GALNT17: variants seen among roughly 807,000 people sequenced by gnomAD.
The protein encoded by GALNT17 is UDP-GalNAc:polypeptide N-acetylgalactosaminyltransferase-like 3.
GALNT17 carries 29 observed loss-of-function variants against 63.7 expected under a neutral mutation model. The observed-to-expected ratio is 0.46, with a 90% CI of 0.34 to 0.62. The LOEUF (loss-of-function observed/expected upper bound fraction) is 0.62. Among genes scored for constraint, GALNT17 ranks in the 20% least tolerant of loss-of-function variants. The pLI is 0.01. For missense variants in GALNT17, 603 were observed against 799.6 expected, an observed-to-expected ratio of 0.75 and a Z score of 2.97; for synonymous variants, 305 against 318.3, an observed-to-expected ratio of 0.96 and a Z score of 0.45.
At chr7:71,299,199 C>T (rs1791145395) in intron 1 of GALNT17, among the ~76,000 whole-genome samples, 1 of 152,118 alleles carries the variant, frequency 6.6e-6, no homozygotes, top group Non-Finnish European at 1.5e-5. Flanking sequence ...AGCTGGTGGC[C>T]CGCCTTGACC....
chr7:71,548,089 A>T (rs112925863), intron 5 of GALNT17, among the ~76,000 whole-genome samples: 3,791 of 151,540 alleles, frequency 0.025, 136 homozygotes, highest in African/African-American at 0.075. Context: ...TTTTTTTTTT[A>T]AAAATTAGCT....
At chr7:71,604,808 GT>G (rs1408967097) in intron 6 of GALNT17, among the ~76,000 whole-genome samples, 3 of 152,132 alleles carry the variant, frequency 2.0e-5, no homozygotes, top group Non-Finnish European at 4.4e-5. Flanking sequence ...CTTCTACAGG[GT>G]AAATGTACCA....
intron 5 of GALNT17, among the ~76,000 whole-genome samples, chr7:71,477,654 A>G (rs1462299314): frequency 6.6e-6 from 1 of 152,128 alleles, no homozygotes; most frequent in Non-Finnish European, 1.5e-5. Context: ...GCATCACTGC[A>G]CTCCGGCCTG....
chr7:71,541,239 T>C (rs1171080844), intron 5 of GALNT17, among the ~76,000 whole-genome samples: 1 of 51,614 alleles, frequency 1.9e-5, no homozygotes, highest in African/African-American at 7.5e-5. Context: ...CGAGACACTG[T>C]CTCAAAAAAA....
intron 2 of GALNT17, among the ~76,000 whole-genome samples, chr7:71,352,056 A>C (rs983527624): frequency 6.6e-6 from 1 of 152,142 alleles, no homozygotes; most frequent in African/African-American, 2.4e-5. Flanking sequence ...CTCATCTTGA[A>C]TTGTAGCTCT....
intron 5 of GALNT17, among the ~76,000 whole-genome samples, chr7:71,459,946 G>A (rs1228899046): frequency 1.3e-5 from 2 of 152,146 alleles, no homozygotes; most frequent in Non-Finnish European, 2.9e-5. Flanking sequence ...TCAACCAGTT[G>A]TCAACTAGAA....
rs369924809 is a variant in GALNT17 at position 71,498,090 on chromosome 7, C to T, written c.963-73195C>T. On this transcript the variant is annotated intron_variant, in intron 5 of 10. Transcript: ENST00000333538. ...CCGCAGTGGGGTAGCAGAGGTTATT[C>T]CTGAAGGCGGGAAGATGGGTGACTA... Among the ~76,000 whole-genome samples the T allele has an allele frequency of 6.4e-4, 97 of 152,208 alleles. 1 individual carries two copies. In the South Asian group the frequency reaches 0.02, roughly 31 times the overall value.
At chr7:71,567,904 C>T (rs907551822) in intron 5 of GALNT17, among the ~76,000 whole-genome samples, 1 of 152,212 alleles carries the variant, frequency 6.6e-6, no homozygotes, top group African/African-American at 2.4e-5. Flanking sequence ...CCACTGCTGC[C>T]TCACCACATG....
chr7:71,517,030 T>C (rs189154270), intron 5 of GALNT17, among the ~76,000 whole-genome samples: 22 of 152,296 alleles, frequency 1.4e-4, no homozygotes, highest in Admixed American at 1.2e-3. Context: ...GAGCTTGAAG[T>C]CACCCCAGGG....
At chr7:71,476,963 G>C (rs1787733530) in intron 5 of GALNT17, among the ~76,000 whole-genome samples, 2 of 152,178 alleles carry the variant, frequency 1.3e-5, no homozygotes, top group African/African-American at 2.4e-5. Context: ...AGGCAGTGGA[G>C]GGTGTGGAGG....
chr7:71,591,543 G>T (rs542368763), intron 6 of GALNT17, among the ~76,000 whole-genome samples: 2 of 152,310 alleles, frequency 1.3e-5, no homozygotes, highest in South Asian at 2.1e-4. Context: ...GAAATTAGTC[G>T]CATGTCTGGG....
chr7:71,209,181 A>T (rs1201746716), intron 1 of GALNT17, among the ~76,000 whole-genome samples: 2 of 152,240 alleles, frequency 1.3e-5, no homozygotes, highest in Non-Finnish European at 2.9e-5. Context: ...AATGTTTTTC[A>T]ATCCTTTACA....
At chr7:71,247,965 G>A (rs1268316354) in intron 1 of GALNT17, among the ~76,000 whole-genome samples, 6 of 152,166 alleles carry the variant, frequency 3.9e-5, no homozygotes, top group Admixed American at 1.3e-4. Flanking sequence ...CATCTTCATC[G>A]CCTTCACATT....
chr7:71,519,809 A>G (rs747643874), intron 5 of GALNT17, among the ~76,000 whole-genome samples: 6 of 152,142 alleles, frequency 3.9e-5, no homozygotes, highest in South Asian at 2.1e-4. Flanking sequence ...GTGTCCAGTC[A>G]GTATTGCACC....
chr7:71,234,848 G>T (rs1271393438), intron 1 of GALNT17, among the ~76,000 whole-genome samples: 3 of 152,104 alleles, frequency 2.0e-5, no homozygotes, highest in African/African-American at 7.2e-5. Flanking sequence ...AGGTGGCCTG[G>T]GTGTCTAAGT....
chr7:71,272,616 C>T (rs1790613635), intron 1 of GALNT17, among the ~76,000 whole-genome samples: 1 of 152,204 alleles, frequency 6.6e-6, no homozygotes, highest in Admixed American at 6.5e-5. Flanking sequence ...CCATAAAGCT[C>T]TTTCTCCTGC....
intron 1 of GALNT17, among the ~76,000 whole-genome samples, chr7:71,296,756 A>T (rs6976562): frequency 0.21 from 31,266 of 151,946 alleles, 3,356 homozygotes; most frequent in East Asian, 0.33. Context: ...TAAATAAAAT[A>T]TATCCTGTAA....
At chr7:71,604,359 T>C (rs1790015803) in intron 6 of GALNT17, among the ~76,000 whole-genome samples, 1 of 152,136 alleles carries the variant, frequency 6.6e-6, no homozygotes, top group African/African-American at 2.4e-5. Flanking sequence ...ATACAGTAGA[T>C]ACTATGCTAA....
chr7:71,711,077 GCA>G, intron 10 of GALNT17, 149 bp downstream of exon 10: 5 of 1,035,298 alleles, frequency 4.8e-6, no homozygotes, highest in Non-Finnish European at 5.5e-6. Context: ...TGGACCCAAA[GCA>G]CTTCCTGGGG....
Sources: gnomAD v4.1 joint callset for allele counts (sites outside exome capture counted in the v4.1 genomes callset) on GRCh38, gnomAD v4.1.1 for gene constraint, MANE v1.5 for transcripts, NCBI Gene and HGNC (gene_info 2026-07-23, HGNC 2026-07-21) for gene names.